ZRANB3: variants seen among roughly 807,000 people sequenced by gnomAD.
ZRANB3 encodes the protein zinc finger RANBP2-type containing 3.
Under a neutral mutation model 133.8 loss-of-function variants are expected in ZRANB3, and 125 were observed. The ratio of observed to expected loss-of-function variants is 0.93; its 90% CI spans 0.81 to 1.08. The LOEUF is 1.08. Among genes scored for constraint, ZRANB3 ranks in the 50% least tolerant of loss-of-function variants. The probability of loss-of-function intolerance (pLI) is 0.00; values close to 1 mark genes in which losing one functional copy is unlikely to be tolerated. For synonymous variants in ZRANB3, 387 were observed against 432.7 expected (o/e 0.89, Z 1.31); for missense variants, 1,229 against 1,275.5 (o/e 0.96, Z 0.56).
At chr2:135,338,672 GA>G (rs1684480130) in intron 6 of ZRANB3, among the ~76,000 whole-genome samples, 1 of 152,168 alleles carries the variant, frequency 6.6e-6, no homozygotes, top group South Asian at 2.1e-4. Context: ...GTTGCATCAA[GA>G]TTACACAGTA....
At chr2:135,495,484 T>C (rs926246095) in intron 2 of ZRANB3, among the ~76,000 whole-genome samples, 2 of 152,206 alleles carry the variant, frequency 1.3e-5, no homozygotes, top group Admixed American at 6.5e-5. Flanking sequence ...AAATGGTTTA[T>C]AAAAACATGA....
chr2:135,231,794 AAC>A (rs913272312), intron 12 of ZRANB3, among the ~76,000 whole-genome samples: 30 of 152,100 alleles, frequency 2.0e-4, no homozygotes, highest in Admixed American at 7.8e-4. Context: ...TCAAAAAAAA[AAC>A]ACACACAAAA....
intron 2 of ZRANB3, among the ~76,000 whole-genome samples, chr2:135,436,380 C>A (rs1360818145): frequency 6.6e-6 from 1 of 151,912 alleles, no homozygotes; most frequent in Admixed American, 6.6e-5. Flanking sequence ...CCTTGCACAC[C>A]CAAAAGCTCC....
At chr2:135,295,486 G>A (rs1282215191) in intron 8 of ZRANB3, among the ~76,000 whole-genome samples, 1 of 152,054 alleles carries the variant, frequency 6.6e-6, no homozygotes, top group African/African-American at 2.4e-5. Context: ...CACATGAGAT[G>A]GGTTTCCTGA....
intron 3 of ZRANB3, among the ~76,000 whole-genome samples, chr2:135,372,165 C>CAA (rs568486324): frequency 9.8e-4 from 87 of 88,584 alleles, no homozygotes; most frequent in South Asian, 8.8e-3. Context: ...GACTCTGTCT[C>CAA]AAAAAAAAAA....
rs1291126291 is a variant in ZRANB3, at chr2:135,265,658, C to T, written c.1415G>A (p.Gly472Asp). 1.9e-6 allele frequency: 3 copies of T among 1,613,504 alleles called. No individual in the cohort carries two copies. Among genetic ancestry groups the T allele is most frequent in the East Asian group, 2.2e-5 (1 of 44,872 alleles). ...CTCAGCCTGAATTTTTTCTTTCCTA[C>T]CGTTCAGTGTGCTCCCTGTAACTTG... ...KAQVTGSTLN[G>D]RKEKIQAEEG... The change falls in exon 12 of 21, where the codon GGT (glycine) becomes GAT (aspartate). Residue 472 changes from glycine to aspartate, a missense_variant. Coordinates refer to ENST00000264159, the MANE Select transcript of ZRANB3 (RefSeq NM_032143.4).
rs559862248 is a variant in ZRANB3, at chr2:135,460,104, G to A, written c.161+44225C>T. 1.2e-4 allele frequency among the ~76,000 whole-genome samples: 18 copies of A among 152,180 alleles called. No individual in the cohort carries two copies. The South Asian group carries it at 2.5e-3, about 21-fold the overall frequency. ...GTAGGGGGTGTGGAAAGAGGGTCAGGATGTGCGAAATTTTTAAATGTCCCT... is the reference window on the plus strand; with the variant it reads ...GTAGGGGGTGTGGAAAGAGGGTCAGAATGTGCGAAATTTTTAAATGTCCCT... On this transcript the variant is annotated intron_variant, in intron 2 of 20. Coordinates refer to ENST00000264159, the MANE Select transcript of ZRANB3 (RefSeq NM_032143.4).
chr2:135,414,974 T>C (rs1324583056), intron 2 of ZRANB3, among the ~76,000 whole-genome samples: 1 of 151,922 alleles, frequency 6.6e-6, no homozygotes, highest in East Asian at 1.9e-4. Flanking sequence ...GGGAAATTTA[T>C]AGCACTAAAT....
chr2:135,423,464 T>C (rs1484387234), intron 2 of ZRANB3, among the ~76,000 whole-genome samples: 3 of 152,080 alleles, frequency 2.0e-5, no homozygotes, highest in African/African-American at 7.2e-5. Flanking sequence ...AAAATAAATT[T>C]CTCCTTGTAA....
intron 2 of ZRANB3, among the ~76,000 whole-genome samples, chr2:135,404,426 A>C (rs1022683799): frequency 2.0e-5 from 3 of 152,208 alleles, no homozygotes; most frequent in East Asian, 1.9e-4. Flanking sequence ...AAACGAACAA[A>C]GCCTCCAAGA....
At chr2:135,250,110 G>A (rs1385871533) in intron 12 of ZRANB3, among the ~76,000 whole-genome samples, 1 of 152,210 alleles carries the variant, frequency 6.6e-6, no homozygotes, top group East Asian at 1.9e-4. Flanking sequence ...GGTGGTCTCA[G>A]ATGGGGATGA....
intron 2 of ZRANB3, among the ~76,000 whole-genome samples, chr2:135,448,038 G>C (rs1262138387): frequency 6.6e-6 from 1 of 152,202 alleles, no homozygotes; most frequent in Non-Finnish European, 1.5e-5. Context: ...GGACAGAACA[G>C]ACCCGACTTC....
At chr2:135,274,080 C>A (rs138145964) in intron 9 of ZRANB3, among the ~76,000 whole-genome samples, 2 of 152,010 alleles carry the variant, frequency 1.3e-5, no homozygotes, top group African/African-American at 2.4e-5. Context: ...GAGAAAGTAC[C>A]TTTTAATGTA....
chr2:135,207,742 A>T lies in ZRANB3; in HGVS notation c.2701T>A (p.Leu901Met), dbSNP rs747921313. The T allele has an allele frequency of 4.3e-6, 7 of 1,614,062 alleles. No individual in the cohort carries two copies. Among genetic ancestry groups the T allele is most frequent in the Admixed American group, 1.7e-5 (1 of 60,030 alleles). The change falls in exon 19 of 21, where the codon TTG becomes ATG. Residue 901 changes from leucine to methionine, a missense_variant. Coordinates refer to ENST00000264159, the MANE Select transcript of ZRANB3 (RefSeq NM_032143.4). ...TTTCCTTCATTATCCACAGCTTGCA[A>T]ATAGCCTTTGGATGTAGAGGGCTTC... ...TVKPSTSKGY[L>M]QAVDNEGNPL...
Position 135,466,382 on chromosome 2 carries a change from C to CAAA in ZRANB3, c.161+37944_161+37946dup, listed in dbSNP as rs553890734. On this transcript the variant is annotated intron_variant, in intron 2 of 20. Transcript: ENST00000264159. ...TGGGCGACAGAGTAAGACTCCGTCA[C>CAAA]AAAAAAAAAAAAAAAAAAAAAAAAA... 7.8e-4 allele frequency among the ~76,000 whole-genome samples: 22 copies of CAAA among 28,204 alleles called. 1 individual carries two copies. Among genetic ancestry groups the CAAA allele is most frequent in the Non-Finnish European group, 2.3e-3 (17 of 7,506 alleles). 18.5% of individuals were successfully genotyped at this position (28,204 alleles called of 152,430 possible).
chr2:135,251,999 C>A (rs1483820294), intron 12 of ZRANB3, among the ~76,000 whole-genome samples: 1 of 152,194 alleles, frequency 6.6e-6, no homozygotes, highest in Non-Finnish European at 1.5e-5. Context: ...CGTGCCACTG[C>A]ACTCCAGCCT....
At chr2:135,211,551 A>G (rs1355747920) in intron 17 of ZRANB3, among the ~76,000 whole-genome samples, 1 of 152,176 alleles carries the variant, frequency 6.6e-6, no homozygotes, top group African/African-American at 2.4e-5. Context: ...AAACAAAAAC[A>G]AAACAAAAAG....
intron 2 of ZRANB3, among the ~76,000 whole-genome samples, chr2:135,418,861 A>G (rs1688702789): frequency 6.6e-6 from 1 of 151,548 alleles, no homozygotes; most frequent in Non-Finnish European, 1.5e-5. Context: ...AGAGTTGACA[A>G]TGAAGGTTTT....
At chr2:135,371,091 T>TTCTTTA (rs1314453016) in intron 3 of ZRANB3, among the ~76,000 whole-genome samples, 3 of 152,192 alleles carry the variant, frequency 2.0e-5, no homozygotes, top group Non-Finnish European at 4.4e-5. Context: ...TACAGCAGCA[T>TTCTTTA]GAGAATGAAC....
Sources: gnomAD v4.1 joint callset for allele counts (sites outside exome capture counted in the v4.1 genomes callset) on GRCh38, gnomAD v4.1.1 for gene constraint, MANE v1.5 for transcripts, NCBI Gene and HGNC (gene_info 2026-07-23, HGNC 2026-07-21) for gene names.